FAM114A2: variants seen among roughly 807,000 people sequenced by gnomAD.
The protein encoded by FAM114A2 is protein FAM114A2.
Under a neutral mutation model 58.4 loss-of-function variants are expected in FAM114A2, and 53 were observed. That is an observed-to-expected ratio of 0.91 (90% CI 0.73 to 1.14). The LOEUF (loss-of-function observed/expected upper bound fraction) is 1.14, where lower values mean the gene tolerates loss of function less well. FAM114A2 is among the 50% of genes most tolerant of loss of function. FAM114A2 has a pLI of 0.00. For missense variants in FAM114A2, 601 were observed against 581.1 expected (o/e 1.03, Z -0.35); for synonymous variants, 228 against 211.4 (o/e 1.08, Z -0.68).
intron 6 of FAM114A2, among the ~76,000 whole-genome samples, chr5:154,027,926 C>T (rs778979132): frequency 2.0e-5 from 3 of 152,152 alleles, no homozygotes; most frequent in Non-Finnish European, 4.4e-5. Flanking sequence ...GCATTTTGCA[C>T]TGCACTGATG....
intron 8 of FAM114A2, among the ~76,000 whole-genome samples, chr5:154,024,211 T>G (rs1250688934): frequency 6.6e-6 from 1 of 152,172 alleles, no homozygotes; most frequent in African/African-American, 2.4e-5. Context: ...ATTCTCAAAC[T>G]TGTTGGTCTC....
intron 8 of FAM114A2, among the ~76,000 whole-genome samples, chr5:154,018,338 C>T (rs1771182789): frequency 6.6e-6 from 1 of 152,036 alleles, no homozygotes; most frequent in Non-Finnish European, 1.5e-5. Flanking sequence ...TGGAAAGATA[C>T]AACCCTCCTA....
At chr5:154,018,699 A>G (rs1335719053) in intron 8 of FAM114A2, among the ~76,000 whole-genome samples, 2 of 152,194 alleles carry the variant, frequency 1.3e-5, no homozygotes, top group East Asian at 1.9e-4. Flanking sequence ...TATCAAAAAG[A>G]TAATCCACCA....
At position 153,990,771 on chromosome 5, in the gene FAM114A2, T is replaced by C. The variant is rs1769220453; in HGVS notation, c.*2205A>G. On this transcript the variant is annotated 3_prime_UTR_variant, in exon 14 of 14. Coordinates refer to ENST00000351797, the MANE Select transcript of FAM114A2 (RefSeq NM_018691.4). ...TATATTAGTAATTAGTGGTAAATCT[T>C]AGACACCAAAAATTTAAAAGGAAAA... The C allele has an allele frequency of 2.0e-5, 3 of 152,270 alleles. No homozygotes were observed. Among genetic ancestry groups the C allele is most frequent in the Admixed American group, 2.0e-4 (3 of 15,282 alleles). 9.4% of individuals were successfully genotyped at this position (152,270 alleles called of 1,614,324 possible).
chr5:154,033,725 G>T, intron 4 of FAM114A2, 66 bp downstream of exon 4: 2 of 951,868 alleles, frequency 2.1e-6, no homozygotes, highest in Non-Finnish European at 3.3e-6. Flanking sequence ...AATACCTACT[G>T]AAAAATTAGT....
At chr5:154,019,252 G>A (rs2113383103) in intron 8 of FAM114A2, among the ~76,000 whole-genome samples, 1 of 152,234 alleles carries the variant, frequency 6.6e-6, no homozygotes, top group South Asian at 2.1e-4. Context: ...CAGTGACCAA[G>A]CAGAGAATCA....
At chr5:154,028,587 G>T (rs181759593) in intron 5 of FAM114A2, among the ~76,000 whole-genome samples, 7 of 152,274 alleles carry the variant, frequency 4.6e-5, no homozygotes, top group African/African-American at 1.7e-4. Flanking sequence ...TAACAGCTCT[G>T]CTTGTAATAG....
intron 1 of FAM114A2, among the ~76,000 whole-genome samples, chr5:154,035,463 AC>A (rs1477766243): frequency 1.3e-5 from 2 of 152,182 alleles, no homozygotes; most frequent in African/African-American, 4.8e-5. Context: ...TTACCTATTG[AC>A]ATTGACTTTT....
At position 154,034,291 on chromosome 5, in the gene FAM114A2, T is replaced by C. The variant is rs1362195015; in HGVS notation, c.297A>G (p.Thr99=). The C allele has an allele frequency of 3.2e-6, 5 of 1,579,626 alleles. No homozygotes were observed. In the African/African-American group the frequency reaches 5.4e-5, roughly 17 times the overall value. The change falls in exon 3 of 14, where the codon ACA becomes ACG. Residue 99 remains threonine, a synonymous_variant. Transcript: ENST00000351797. ...TGATGATCTTACCTACTGTAGCTAC[T>C]GTAGCCGAGGCTGAGGAGAGTATGG... ...GKSILSSASA[T]VATVGQGISN...
chr5:154,024,645 C>T (rs1230245190), intron 8 of FAM114A2, among the ~76,000 whole-genome samples: 1 of 152,132 alleles, frequency 6.6e-6, no homozygotes, highest in Non-Finnish European at 1.5e-5. Context: ...CACATTAAAA[C>T]TCAACAAGTG....
intron 8 of FAM114A2, among the ~76,000 whole-genome samples, chr5:154,026,011 C>A (rs567007650): frequency 1.5e-4 from 23 of 152,238 alleles, no homozygotes; most frequent in African/African-American, 5.1e-4. Context: ...TCAGGGGTTA[C>A]AAGAGTCAGA....
chr5:153,997,304 T>C (rs1178355757), intron 12 of FAM114A2, among the ~76,000 whole-genome samples: 2 of 152,212 alleles, frequency 1.3e-5, no homozygotes, highest in Non-Finnish European at 2.9e-5. Context: ...CATACATGCA[T>C]GTTCATAGCA....
intron 8 of FAM114A2, among the ~76,000 whole-genome samples, chr5:154,018,073 G>A (rs1300582279): frequency 1.3e-5 from 2 of 152,040 alleles, no homozygotes; most frequent in Non-Finnish European, 2.9e-5. Flanking sequence ...GATCAGAACA[G>A]AACTAAATGA....
rs1475788528 is a variant in FAM114A2 at position 153,991,012 on chromosome 5, G to T, written c.*1964C>A. On this transcript the variant is annotated 3_prime_UTR_variant, in exon 14 of 14. Transcript: ENST00000351797. ...TCTTTTTCAGTATATTTTATGTGAA[G>T]AGTAGACAATTGTTACTCAGAATTG... 1.3e-5 allele frequency: 2 copies of T among 151,822 alleles called. No homozygotes were observed. Among genetic ancestry groups the T allele is most frequent in the Non-Finnish European group, 2.9e-5 (2 of 68,014 alleles). 9.4% of individuals were successfully genotyped at this position (151,822 alleles called of 1,614,324 possible). A position where few individuals can be genotyped will look rare whatever the true frequency, so the allele number is the denominator to read the frequency against.
chr5:154,002,177 T>C (rs1770017784), intron 11 of FAM114A2, 74 bp downstream of exon 11: 6 of 1,411,386 alleles, frequency 4.3e-6, no homozygotes, highest in Non-Finnish European at 6.0e-6. Flanking sequence ...AGAGAGACGT[T>C]TATAAAACTT....
chr5:154,032,451 A>G (rs1481511246), intron 4 of FAM114A2, among the ~76,000 whole-genome samples: 2 of 152,118 alleles, frequency 1.3e-5, no homozygotes, highest in Non-Finnish European at 2.9e-5. Context: ...GCTGCTGTTA[A>G]CATATTCAAA....
At position 153,994,939 on chromosome 5, in the gene FAM114A2, TTA is replaced by T; in HGVS notation, c.1361_1362del (p.Leu454TyrfsTer32). 1 of 1,607,886 alleles carries T rather than the reference TTA, an allele frequency of 6.2e-7. No individual in the cohort carries two copies. The highest frequency in any genetic ancestry group is 8.5e-7 in the Non-Finnish European group (1 of 1,174,612). On this transcript the variant is annotated frameshift_variant, in exon 13 of 14. Transcript: ENST00000351797. LOFTEE classifies it high-confidence loss of function. ...VKEMADVLNP[L>X]ITAVFLEASN... ...CTAACCTCTAGAAATACTGCAGTGA[TTA>T]ATGGGTTAAGGACATCTGCCATTTC...
rs377765697 is a variant in FAM114A2, at chr5:154,020,417, AAG to A, written c.913+5980_913+5981del. Among the ~76,000 whole-genome samples, 28 of 152,264 alleles carry A rather than the reference AAG, an allele frequency of 1.8e-4. No homozygotes were observed. The East Asian group carries it at 3.7e-3, about 20-fold the overall frequency. ...TACACCATTAGCGAGACTAACAAAG[AAG>A]AGAGAAGAATCAAATAGATGCAATA... On this transcript the variant is annotated intron_variant, in intron 8 of 13. Coordinates refer to ENST00000351797, the MANE Select transcript of FAM114A2 (RefSeq NM_018691.4).
intron 1 of FAM114A2, among the ~76,000 whole-genome samples, chr5:154,037,543 TA>T (rs976645067): frequency 9.2e-5 from 14 of 152,222 alleles, no homozygotes; most frequent in African/African-American, 3.1e-4. Flanking sequence ...AAAGTTCAAT[TA>T]ATGTTTTGTG....
Sources: gnomAD v4.1 joint callset for allele counts (sites outside exome capture counted in the v4.1 genomes callset) on GRCh38, gnomAD v4.1.1 for gene constraint, MANE v1.5 for transcripts, NCBI Gene and HGNC (gene_info 2026-07-23, HGNC 2026-07-21) for gene names.